NPEPPS: variants seen among roughly 807,000 people sequenced by gnomAD.
NPEPPS encodes puromycin-sensitive aminopeptidase.
In NPEPPS, 14 loss-of-function variants were observed where a neutral mutation model predicts 115.5. That is an observed-to-expected ratio of 0.12 (90% CI 0.08 to 0.19). NPEPPS has a LOEUF of 0.19. Ranked by LOEUF, NPEPPS falls within the 10% of genes least tolerant of loss-of-function variation. The probability of loss-of-function intolerance (pLI) is 1.00; values close to 1 mark genes in which losing one functional copy is unlikely to be tolerated. For synonymous variants in NPEPPS, 285 were observed against 390.6 expected, an observed-to-expected ratio of 0.73 and a Z score of 3.19; for missense variants, 523 against 1,110.8, an observed-to-expected ratio of 0.47 and a Z score of 7.52.
At chr17:47,546,164 C>G (rs1469947851) in intron 2 of NPEPPS, among the ~76,000 whole-genome samples, 171 bp downstream of exon 2, 1 of 151,946 alleles carries the variant, frequency 6.6e-6, no homozygotes, top group Non-Finnish European at 1.5e-5. Flanking sequence ...AAGTGGCTCA[C>G]GCCTGTAATC....
chr17:47,575,368 T>G (rs1009413323), intron 3 of NPEPPS, among the ~76,000 whole-genome samples: 1 of 152,040 alleles, frequency 6.6e-6, no homozygotes, highest in Non-Finnish European at 1.5e-5. Flanking sequence ...AAGAGATGTA[T>G]CATTCTTGAT....
At chr17:47,587,659 G>T (rs1215303900) in intron 9 of NPEPPS, among the ~76,000 whole-genome samples, 1 of 152,136 alleles carries the variant, frequency 6.6e-6, no homozygotes, top group African/African-American at 2.4e-5. Flanking sequence ...GAATCATGCA[G>T]TGAGATTCCA....
chr17:47,529,803 C>G (rs1907605503), upstream of NPEPPS, among the ~76,000 whole-genome samples: 1 of 115,070 alleles, frequency 8.7e-6, no homozygotes, highest in African/African-American at 3.1e-5. Flanking sequence ...TGCAAGGTAT[C>G]TACAGAACTG....
At chr17:47,596,738 G>A (rs1912898873) in intron 13 of NPEPPS, among the ~76,000 whole-genome samples, 1 of 152,186 alleles carries the variant, frequency 6.6e-6, no homozygotes, top group Non-Finnish European at 1.5e-5. Context: ...ACAAATGCAA[G>A]GTTGGTTTAA....
At chr17:47,592,338 A>G (rs1912559780) in intron 11 of NPEPPS, 147 bp from the exon 12 acceptor site, 2 of 693,490 alleles carry the variant, frequency 2.9e-6, no homozygotes, top group Non-Finnish European at 4.9e-6. Context: ...ATTAAATAAA[A>G]GGCAGTAGGC....
intron 17 of NPEPPS, among the ~76,000 whole-genome samples, chr17:47,610,755 A>G (rs1428547592): frequency 6.7e-6 from 1 of 149,968 alleles, no homozygotes; most frequent in East Asian, 2.0e-4. Flanking sequence ...GAATTCTGTT[A>G]TGCACATTTG....
intron 5 of NPEPPS, among the ~76,000 whole-genome samples, chr17:47,584,176 G>A (rs1368410935): frequency 4.0e-5 from 6 of 148,890 alleles, no homozygotes; most frequent in Admixed American, 1.4e-4. Flanking sequence ...AGTTGAGATC[G>A]CGCCACTCCA....
chr17:47,530,039 C>T (rs1597801085), upstream of NPEPPS, among the ~76,000 whole-genome samples: 1 of 146,730 alleles, frequency 6.8e-6, no homozygotes, highest in Non-Finnish European at 1.5e-5. Flanking sequence ...AGGGTTCAAG[C>T]GATTCTCCTA....
chr17:47,593,128 C>G (rs1397484022), intron 12 of NPEPPS, among the ~76,000 whole-genome samples: 1 of 152,166 alleles, frequency 6.6e-6, no homozygotes, highest in Admixed American at 6.5e-5. Flanking sequence ...ATATGAAATT[C>G]AAAACATTTC....
chr17:47,612,715 G>A lies in NPEPPS; in HGVS notation c.2238+113G>A, dbSNP rs1037711929. 5 of 1,011,184 alleles carry A rather than the reference G, an allele frequency of 4.9e-6. No homozygotes were observed. The African/African-American group carries it at 6.6e-5, about 13-fold the overall frequency. The allele number at this position is 1,011,184 out of a possible 1,614,324, so 62.6% of individuals were successfully genotyped here. ...GTCTTGCTCTGTCGCCCAGGCTGGA[G>A]TGCAGTGGCATGATCTCGGCTCACT... On this transcript the variant is annotated intron_variant, in intron 18 of 22. Coordinates refer to ENST00000322157, the MANE Select transcript of NPEPPS (RefSeq NM_006310.4).
At chr17:47,612,879 T>C (rs1489354519) in intron 18 of NPEPPS, among the ~76,000 whole-genome samples, 1 of 152,064 alleles carries the variant, frequency 6.6e-6, no homozygotes, top group Non-Finnish European at 1.5e-5. Flanking sequence ...GCCAGGCTCG[T>C]CTCGAACTCC....
rs139412081 is a variant in NPEPPS, at chr17:47,572,079, G to A, written c.418+2585G>A. 5.8e-3 allele frequency among the ~76,000 whole-genome samples: 876 copies of A among 152,160 alleles called. 5 individuals are homozygous for A. Among genetic ancestry groups the A allele is most frequent in the African/African-American group, 0.017 (702 of 41,494 alleles). The stretch of plus-strand genomic sequence containing the variant: ...GTATCATGCATGGCAGAGGGCAGAG[G>A]CTCAGGGAAGGGGAGAAAGCTAGAA... On this transcript the variant is annotated intron_variant, in intron 3 of 22. Transcript: ENST00000322157.
intron 4 of NPEPPS, chr17:47,580,098 A>G (rs991554888): frequency 1.3e-5 from 2 of 152,154 alleles, no homozygotes; most frequent in Non-Finnish European, 2.9e-5. Flanking sequence ...TGTTAAATCT[A>G]AATTTATTTC....
At chr17:47,608,547 AGAGTT>A (rs1340791251) in intron 17 of NPEPPS, among the ~76,000 whole-genome samples, 1 of 151,718 alleles carries the variant, frequency 6.6e-6, no homozygotes. Context: ...CTGAGACAGG[AGAGTT>A]GGTTGAGTCC....
chr17:47,538,794 C>G (rs1259909600), intron 1 of NPEPPS, among the ~76,000 whole-genome samples: 1 of 152,166 alleles, frequency 6.6e-6, no homozygotes, highest in Admixed American at 6.6e-5. Flanking sequence ...TCCCAAAGTG[C>G]TGGGATTACA....
intron 1 of NPEPPS, among the ~76,000 whole-genome samples, chr17:47,534,983 A>G (rs1236077048): frequency 3.3e-5 from 5 of 150,346 alleles, no homozygotes; most frequent in East Asian, 2.0e-4. Context: ...GGTGGCTCAC[A>G]CCTGTAATCC....
intron 12 of NPEPPS, among the ~76,000 whole-genome samples, chr17:47,593,729 T>G (rs1912656817): frequency 1.3e-5 from 2 of 152,224 alleles, no homozygotes; most frequent in Non-Finnish European, 2.9e-5. Context: ...ACATGGTATA[T>G]ACCCTGTTGC....
chr17:47,535,242 CAAAAAAAAAAAAAAAA>C (rs1163530675), intron 1 of NPEPPS, among the ~76,000 whole-genome samples: 1 of 57,116 alleles, frequency 1.8e-5, no homozygotes, highest in Non-Finnish European at 2.9e-5. Context: ...GACTCTGTCT[CAAAAAAAAAAAAAAAA>C]AAAAAAAAAA....
Position 47,622,036 on chromosome 17 carries a change from T to C in NPEPPS, c.*116T>C, listed in dbSNP as rs536602461. 1 of 1,358,532 alleles carries C rather than the reference T, an allele frequency of 7.4e-7. No individual in the cohort carries two copies. The highest frequency in any genetic ancestry group is 1.5e-5 in the African/African-American group (1 of 68,906). 84.2% of individuals were successfully genotyped at this position (1,358,532 alleles called of 1,614,324 possible). Reference sequence around the variant, plus strand: ...GAGTCTTCTTTCAAACCAGTGGGGGTTGGACAATGAATGTAGTTAACTGGT... The same window carrying C: ...GAGTCTTCTTTCAAACCAGTGGGGGCTGGACAATGAATGTAGTTAACTGGT... On this transcript the variant is annotated 3_prime_UTR_variant, in exon 23 of 23. Transcript: ENST00000322157.
Sources: gnomAD v4.1 joint callset for allele counts (sites outside exome capture counted in the v4.1 genomes callset) on GRCh38, gnomAD v4.1.1 for gene constraint, MANE v1.5 for transcripts, NCBI Gene and HGNC (gene_info 2026-07-23, HGNC 2026-07-21) for gene names.